The following SGCD variants were observed in gnomAD, a reference collection of about 807,000 sequenced individuals.
SGCD encodes delta-sarcoglycan.
A neutral mutation model predicts 36.6 loss-of-function variants in SGCD; 18 were observed. That is an observed-to-expected ratio of 0.49 (90% CI 0.34 to 0.73). The LOEUF (loss-of-function observed/expected upper bound fraction) is 0.73, where lower values mean the gene tolerates loss of function less well. Ranked by LOEUF, SGCD falls within the 30% of genes least tolerant of loss-of-function variation. The probability of loss-of-function intolerance (pLI) is 0.01; values close to 1 mark genes in which losing one functional copy is unlikely to be tolerated. For synonymous variants in SGCD, 133 were observed against 130.6 expected (o/e 1.02, Z -0.12); for missense variants, 387 against 346.7 (o/e 1.12, Z -0.92).
At chr5:156,413,300 G>A (rs1255911004) in intron 3 of SGCD, among the ~76,000 whole-genome samples, 1 of 152,202 alleles carries the variant, frequency 6.6e-6, no homozygotes, top group Non-Finnish European at 1.5e-5. Context: ...CACTTATGCT[G>A]AGATGCACGA....
In SGCD at chr5:156,673,014, C is replaced by G. The variant is rs186599205; in HGVS notation, c.575+25478C>G. Among the ~76,000 whole-genome samples, 22 of 152,208 alleles carry G rather than the reference C, an allele frequency of 1.4e-4. No individual in the cohort carries two copies. The East Asian group carries it at 4.3e-3, about 29-fold the overall frequency. The stretch of plus-strand genomic sequence containing the variant: ...CTGTACTTCCCCTATTACACACATA[C>G]GCAGTGCCCTACACGTCTTCATTTT... On this transcript the variant is annotated intron_variant, in intron 7 of 8. Coordinates refer to ENST00000337851, the MANE Select transcript of SGCD (RefSeq NM_000337.6).
intron 3 of SGCD, among the ~76,000 whole-genome samples, chr5:156,245,024 A>C (rs1224744332): frequency 6.6e-6 from 1 of 152,228 alleles, no homozygotes; most frequent in African/African-American, 2.4e-5. Flanking sequence ...ACCACAACGC[A>C]GATACTCTCA....
rs1410429378 is a variant in SGCD at position 156,594,860 on chromosome 5, GA to G, written c.383-71del. 1.3e-5 allele frequency: 13 copies of G among 1,000,192 alleles called. No homozygotes were observed. In the East Asian group the frequency reaches 3.3e-4, roughly 26 times the overall value. 62.0% of individuals were successfully genotyped at this position (1,000,192 alleles called of 1,614,324 possible). Reference sequence around the variant, plus strand: ...AAAAGCTTTTTGTAGTCAAAGCGATGAGACTAATGGTGTTTTCTCTCTCTCT... The same window carrying G: ...AAAAGCTTTTTGTAGTCAAAGCGATGGACTAATGGTGTTTTCTCTCTCTCT... On this transcript the variant is annotated intron_variant, in intron 5 of 8. Coordinates refer to ENST00000337851, the MANE Select transcript of SGCD (RefSeq NM_000337.6).
chr5:156,206,009 ATATT>A (rs1764267884), intron 3 of SGCD, among the ~76,000 whole-genome samples: 1 of 147,906 alleles, frequency 6.8e-6, no homozygotes, highest in Non-Finnish European at 1.5e-5. Context: ...TATATATTAT[ATATT>A]ATATATATCT....
intron 1 of SGCD, among the ~76,000 whole-genome samples, chr5:156,050,665 T>A (rs1759893327): frequency 6.8e-6 from 1 of 146,590 alleles, no homozygotes; most frequent in African/African-American, 2.5e-5. Flanking sequence ...ATATTTATTA[T>A]CTTGCAGTTC....
At chr5:156,335,242 T>C (rs1179217537) in intron 2 of SGCD, among the ~76,000 whole-genome samples, 1 of 152,228 alleles carries the variant, frequency 6.6e-6, no homozygotes, top group Non-Finnish European at 1.5e-5. Flanking sequence ...TGTTCATCAA[T>C]GCTGAAATAT....
At chr5:156,617,154 C>T (rs908878809) in intron 6 of SGCD, among the ~76,000 whole-genome samples, 2 of 152,170 alleles carry the variant, frequency 1.3e-5, no homozygotes, top group Admixed American at 6.5e-5. Flanking sequence ...GCACCTGGCA[C>T]ATAATAACTG....
intron 6 of SGCD, among the ~76,000 whole-genome samples, chr5:156,610,437 G>A (rs953692139): frequency 1.3e-5 from 2 of 152,184 alleles, no homozygotes; most frequent in African/African-American, 2.4e-5. Flanking sequence ...GCTGTGTGAG[G>A]TGTTTGTCTG....
intron 2 of SGCD, among the ~76,000 whole-genome samples, chr5:156,334,061 C>G (rs1219944132): frequency 6.6e-6 from 1 of 151,778 alleles, no homozygotes; most frequent in Non-Finnish European, 1.5e-5. Flanking sequence ...TTATATTGTC[C>G]ATGTTCCCTT....
rs181338842 is a variant in SGCD, at chr5:156,468,061, T to C, written c.193-40540T>C. ...TATAAAATGGGGTTAAGAATATTTA[T>C]AAATTGGCCAGGTGTTGTGGCTCAT... On this transcript the variant is annotated intron_variant, in intron 3 of 8. Transcript: ENST00000337851. Among the ~76,000 whole-genome samples, 11 of 152,274 alleles carry C rather than the reference T, an allele frequency of 7.2e-5. No homozygotes were observed. In the East Asian group the frequency reaches 2.1e-3, roughly 29 times the overall value.
At chr5:156,155,951 G>A (rs975221647) in intron 3 of SGCD, among the ~76,000 whole-genome samples, 2 of 151,736 alleles carry the variant, frequency 1.3e-5, no homozygotes, top group East Asian at 1.9e-4. Flanking sequence ...TTTTTGCTTC[G>A]TGTGGCAGGA....
chr5:156,753,940 G>T (rs973415039), intron 7 of SGCD, among the ~76,000 whole-genome samples: 22 of 152,228 alleles, frequency 1.4e-4, no homozygotes, highest in Admixed American at 6.5e-4. Flanking sequence ...AACAACTTCT[G>T]TTAAGTCTGC....
chr5:156,483,822 G>A (rs975979089), intron 3 of SGCD, among the ~76,000 whole-genome samples: 7 of 152,208 alleles, frequency 4.6e-5, no homozygotes, highest in African/African-American at 1.7e-4. Flanking sequence ...TGGTTTGGGG[G>A]CATTCCCGCT....
chr5:155,736,763 A>C, the SGCD span, among the ~76,000 whole-genome samples: 1 of 152,194 alleles, frequency 6.6e-6, no homozygotes, highest in Non-Finnish European at 1.5e-5. Flanking sequence ...ACTATGTGCC[A>C]ACATGGTTCT....
chr5:156,480,726 C>T (rs988441399), intron 3 of SGCD, among the ~76,000 whole-genome samples: 1 of 152,206 alleles, frequency 6.6e-6, no homozygotes, highest in Non-Finnish European at 1.5e-5. Flanking sequence ...ATGCTGGGTG[C>T]TTTACCTACT....
At chr5:156,656,169 C>T (rs1200795468) in intron 7 of SGCD, among the ~76,000 whole-genome samples, 1 of 152,084 alleles carries the variant, frequency 6.6e-6, no homozygotes, top group African/African-American at 2.4e-5. Context: ...TGTTCACAGT[C>T]AGCTAATATG....
At chr5:155,837,966 T>TA in the SGCD span, among the ~76,000 whole-genome samples, 1 of 152,106 alleles carries the variant, frequency 6.6e-6, no homozygotes, top group African/African-American at 2.4e-5. Context: ...CTCTTTTTTT[T>TA]ATTATGAAGA....
chr5:156,712,941 G>A (rs1014622212), intron 7 of SGCD, among the ~76,000 whole-genome samples: 1 of 152,172 alleles, frequency 6.6e-6, no homozygotes, highest in African/African-American at 2.4e-5. Flanking sequence ...TTCATGAGAA[G>A]CTTATTCATG....
At chr5:155,730,229 T>C in the SGCD span, among the ~76,000 whole-genome samples, 26 of 152,162 alleles carry the variant, frequency 1.7e-4, no homozygotes, top group Non-Finnish European at 3.8e-4. Context: ...TGACTTCAGG[T>C]GTGCCAAGTG....
Sources: gnomAD v4.1 joint callset for allele counts (sites outside exome capture counted in the v4.1 genomes callset) on GRCh38, gnomAD v4.1.1 for gene constraint, MANE v1.5 for transcripts, NCBI Gene and HGNC (gene_info 2026-07-23, HGNC 2026-07-21) for gene names.